Variants in SMCHD1 observed in about 807,000 individuals in gnomAD.
SMCHD1 encodes structural maintenance of chromosomes flexible hinge domain containing 1, also known as structural maintenance of chromosomes flexible hinge domain-containing protein 1.
Under a neutral mutation model 254.7 loss-of-function variants are expected in SMCHD1, and 78 were observed. The ratio of observed to expected loss-of-function variants is 0.31; its 90% CI spans 0.26 to 0.37. The LOEUF (loss-of-function observed/expected upper bound fraction) is 0.37. SMCHD1 is among the 10% of genes least tolerant of loss of function. The pLI is 1.00. For missense variants in SMCHD1, 1,840 were observed against 2,408.1 expected (o/e 0.76, Z 4.94); for synonymous variants, 766 against 794.9 (o/e 0.96, Z 0.61).
chr18:2,729,185 C>T (rs1396025607), intron 23 of SMCHD1, 90 bp from the exon 24 acceptor site: 1 of 1,047,150 alleles, frequency 9.5e-7, no homozygotes, highest in Non-Finnish European at 1.3e-6. Flanking sequence ...GAAATAGTAG[C>T]TCTACTGAAT....
intron 28 of SMCHD1, among the ~76,000 whole-genome samples, chr18:2,741,889 G>C (rs2075356708): frequency 6.6e-6 from 1 of 152,068 alleles, no homozygotes; most frequent in Non-Finnish European, 1.5e-5. Flanking sequence ...ACAAACAAAA[G>C]GAAAAATCCC....
At chr18:2,715,816 A>G (rs2074785590) in intron 17 of SMCHD1, among the ~76,000 whole-genome samples, 2 of 152,196 alleles carry the variant, frequency 1.3e-5, no homozygotes, top group Non-Finnish European at 2.9e-5. Flanking sequence ...GTGCCGCTGA[A>G]ATTCACCCAG....
chr18:2,661,747 C>T (rs1198113567), intron 1 of SMCHD1, among the ~76,000 whole-genome samples: 1 of 152,180 alleles, frequency 6.6e-6, no homozygotes, highest in African/African-American at 2.4e-5. Context: ...GCTAGCATTC[C>T]TATCCGTAGA....
rs1555656125 is a variant in SMCHD1, at chr18:2,785,647, CAAAAAAAAAAAAAA to C, written c.5719+1037_5719+1050del. Among the ~76,000 whole-genome samples, 4 of 12,670 alleles carry C rather than the reference CAAAAAAAAAAAAAA, an allele frequency of 3.2e-4. No individual in the cohort carries two copies. In the Admixed American group the frequency reaches 4.0e-3, roughly 13 times the overall value. 8.3% of individuals were successfully genotyped at this position (12,670 alleles called of 152,430 possible). A position where few individuals can be genotyped will look rare whatever the true frequency, so the allele number is the denominator to read the frequency against. On this transcript the variant is annotated intron_variant, in intron 45 of 47. Transcript: ENST00000320876. The stretch of plus-strand genomic sequence containing the variant: ...AGCCTGGGCAACAGAGACTCTGTCT[CAAAAAAAAAAAAAA>C]AAAAAAAAAACAGTTCATTGGTGTT...
At chr18:2,681,234 G>A (rs113320980) in intron 5 of SMCHD1, among the ~76,000 whole-genome samples, 3,710 of 152,120 alleles carry the variant, frequency 0.024, 139 homozygotes, top group African/African-American at 0.083. Context: ...CCTTCATGGC[G>A]AAACGCTGTC....
rs35669047 is a variant in SMCHD1, at chr18:2,712,231, CT to C, written c.2260+4325del. Among the ~76,000 whole-genome samples, 286 of 142,064 alleles carry C rather than the reference CT, an allele frequency of 2.0e-3. 1 individual carries two copies. Among genetic ancestry groups the C allele is most frequent in the African/African-American group, 2.6e-3 (100 of 38,772 alleles). 93.2% of individuals were successfully genotyped at this position (142,064 alleles called of 152,430 possible). A position where few individuals can be genotyped will look rare whatever the true frequency, so the allele number is the denominator to read the frequency against. Reference sequence around the variant, plus strand: ...ATTTTGGTCTGTAGTTTTCTTTTTCCTTTTTTTTTTTTTTGATGTCTGTGTC... The same window carrying C: ...ATTTTGGTCTGTAGTTTTCTTTTTCCTTTTTTTTTTTTTGATGTCTGTGTC... On this transcript the variant is annotated intron_variant, in intron 17 of 47. Coordinates refer to ENST00000320876, the MANE Select transcript of SMCHD1 (RefSeq NM_015295.3).
intron 30 of SMCHD1, among the ~76,000 whole-genome samples, chr18:2,749,317 G>A (rs913498445): frequency 2.6e-5 from 4 of 152,098 alleles, no homozygotes; most frequent in Non-Finnish European, 4.4e-5. Flanking sequence ...AGTTGAGATG[G>A]GTTTTAGGAT....
intron 1 of SMCHD1, among the ~76,000 whole-genome samples, chr18:2,665,723 T>C (rs2073417516): frequency 6.6e-6 from 1 of 152,246 alleles, no homozygotes; most frequent in Non-Finnish European, 1.5e-5. Context: ...TGCTATAAAA[T>C]GCTAACTTCT....
intron 5 of SMCHD1, among the ~76,000 whole-genome samples, chr18:2,675,987 G>A (rs1480541841): frequency 4.6e-5 from 7 of 152,128 alleles, no homozygotes; most frequent in Non-Finnish European, 7.4e-5. Context: ...TTAGGTACTC[G>A]TACTGTCTTT....
chr18:2,799,215 C>T (rs527929081), intron 47 of SMCHD1, among the ~76,000 whole-genome samples: 1 of 152,158 alleles, frequency 6.6e-6, no homozygotes, highest in African/African-American at 2.4e-5. Flanking sequence ...CAAAATATTT[C>T]TACATGTAAA....
At chr18:2,729,820 C>T (rs1402833601) in intron 24 of SMCHD1, among the ~76,000 whole-genome samples, 1 of 151,608 alleles carries the variant, frequency 6.6e-6, no homozygotes, top group African/African-American at 2.4e-5. Flanking sequence ...GTGATGTGCT[C>T]ACCTCAGCCT....
intron 10 of SMCHD1, 63 bp downstream of exon 10, chr18:2,698,104 T>G: frequency 1.5e-6 from 2 of 1,322,242 alleles, no homozygotes; most frequent in Non-Finnish European, 2.1e-6. Context: ...GTGATTTGTT[T>G]TTCTAAATGA....
At position 2,707,630 on chromosome 18, in the gene SMCHD1, G is replaced by A. The variant is rs1245981852; in HGVS notation, c.2131G>A (p.Ala711Thr). Residue 711 changes from alanine (A) to threonine (T), a missense_variant, in exon 16 of 48, where the codon GCT becomes ACT. Physicochemically the swap from Ala to Thr is moderately conservative, Grantham distance 58. Around this residue, in one of 9 missense-constraint regions of SMCHD1, gnomAD observed 498 missense variants for 743.5 expected, o/e 0.67. Coordinates refer to ENST00000320876, the MANE Select transcript of SMCHD1 (RefSeq NM_015295.3). ...ATTATTGCCTAATGAGGTTAGGCCT[G>A]CTGGAACCCCTATTGGTATGTTTGT... is the stretch of plus-strand genomic sequence containing the variant. The part of the protein sequence containing the change: ...DELLPNEVRP[A>T]GTPIGALRIE... 6.3e-7 allele frequency: 1 copy of A among 1,599,724 alleles called. No individual in the cohort carries two copies. The highest frequency in any genetic ancestry group is 1.7e-5 in the Admixed American group (1 of 58,514).
chr18:2,795,640 T>C (rs923561124), intron 45 of SMCHD1, among the ~76,000 whole-genome samples: 3 of 152,176 alleles, frequency 2.0e-5, no homozygotes, highest in African/African-American at 7.2e-5. Context: ...ATACTGAATA[T>C]CAGACAAGAT....
intron 9 of SMCHD1, 55 bp from the exon 10 acceptor site, chr18:2,697,775 GA>G: frequency 8.4e-7 from 1 of 1,184,770 alleles, no homozygotes; most frequent in Non-Finnish European, 1.2e-6. Context: ...TCATAGCTGA[GA>G]ACAAAAGTAA....
Position 2,666,187 on chromosome 18 carries a change from GT to G in SMCHD1, c.219del (p.Ile74LeufsTer35). ...TGGCATTTCACCTGAAGAAAAATTT[GT>G]TATTACAACAACAAGTAGGAAAGAA... Reference protein sequence around the residue: ...TLGISPEEKFVITTTSRKEIT... With the variant: ...TLGISPEEKFXITTTSRKEIT... On this transcript the variant is annotated frameshift_variant, in exon 2 of 48. Coordinates refer to ENST00000320876, the MANE Select transcript of SMCHD1 (RefSeq NM_015295.3). LOFTEE classifies it high-confidence loss of function. The G allele has an allele frequency of 6.4e-7, 1 of 1,559,904 alleles. No homozygotes were observed. The highest frequency in any genetic ancestry group is 8.8e-7 in the Non-Finnish European group (1 of 1,136,062).
At chr18:2,682,314 C>CTTT (rs397825044) in intron 5 of SMCHD1, among the ~76,000 whole-genome samples, 2 of 145,532 alleles carry the variant, frequency 1.4e-5, no homozygotes, top group African/African-American at 5.3e-5. Flanking sequence ...CTTTCTTCTT[C>CTTT]TTTTTTTTTT....
In SMCHD1 at chr18:2,772,323, C is replaced by G; in HGVS notation, c.5126C>G (p.Ser1709Trp). Residue 1709 changes from serine to tryptophan, a missense_variant, in exon 41 of 48, where the codon TCG becomes TGG. Coordinates refer to ENST00000320876, the MANE Select transcript of SMCHD1 (RefSeq NM_015295.3). The stretch of plus-strand genomic sequence containing the variant: ...GAACTGAAGAAAAAACCTAGAAGAT[C>G]GTGTACTCTTCCAAACTATACTAAA... ...QEELKKKPRR[S>W]CTLPNYTKGS... The G allele has an allele frequency of 6.2e-7, 1 of 1,606,978 alleles. No homozygotes were observed.
intron 13 of SMCHD1, among the ~76,000 whole-genome samples, chr18:2,704,786 A>C (rs1183704969): frequency 6.6e-6 from 1 of 152,118 alleles, no homozygotes; most frequent in Non-Finnish European, 1.5e-5. Context: ...AGATACCATC[A>C]TATATTTAAA....
Sources: gnomAD v4.1 joint callset for allele counts (sites outside exome capture counted in the v4.1 genomes callset) on GRCh38, gnomAD v4.1.1 for gene constraint, gnomAD v4.1.1 regional missense constraint, MANE v1.5 for transcripts, NCBI Gene and HGNC (gene_info 2026-07-23, HGNC 2026-07-21) for gene names.